CEP162: variants seen among roughly 807,000 people sequenced by gnomAD.
CEP162 encodes centrosomal protein 162, also known as centrosomal protein of 162 kDa.
Under a neutral mutation model 169.2 loss-of-function variants are expected in CEP162, and 141 were observed. The observed-to-expected ratio is 0.83, with a 90% CI of 0.73 to 0.96. The LOEUF (loss-of-function observed/expected upper bound fraction) is 0.96, where lower values mean the gene tolerates loss of function less well. Ranked by LOEUF, CEP162 falls within the 40% of genes least tolerant of loss-of-function variation. The pLI is 0.00. For synonymous variants in CEP162, 540 were observed against 526.4 expected, an observed-to-expected ratio of 1.03 and a Z score of -0.35; for missense variants, 1,600 against 1,587.2, an observed-to-expected ratio of 1.01 and a Z score of -0.14.
At chr6:84,153,922 T>C (rs1256116646) in intron 22 of CEP162, among the ~76,000 whole-genome samples, 8 of 152,178 alleles carry the variant, frequency 5.3e-5, no homozygotes, top group Non-Finnish European at 8.8e-5. Context: ...GAGGCGACGC[T>C]GCCCTAAGTG....
intron 21 of CEP162, among the ~76,000 whole-genome samples, chr6:84,160,456 G>A (rs1434627153): frequency 6.6e-6 from 1 of 152,028 alleles, no homozygotes; most frequent in Admixed American, 6.6e-5. Flanking sequence ...CCAACTCAGG[G>A]ATCTCCCTCC....
At chr6:84,214,347 C>T (rs1448220790) in intron 5 of CEP162, among the ~76,000 whole-genome samples, 1 of 152,230 alleles carries the variant, frequency 6.6e-6, no homozygotes, top group Admixed American at 6.5e-5. Context: ...TGTGTGAATA[C>T]ATCCATTATG....
In CEP162 at chr6:84,149,644, A is replaced by G. The variant is rs1253240401; in HGVS notation, c.3689T>C (p.Ile1230Thr). The change falls in exon 24 of 27, where the codon ATA (isoleucine) becomes ACA (threonine). Residue 1230 changes from isoleucine to threonine, a missense_variant. By Grantham distance (89) the Ile-to-Thr change is moderately conservative. Transcript: ENST00000403245. ...TGCATTTTGGCAAAGGAGTTTCTCT[A>G]TTTCTCTCTGATGAGATGCTTTGAG... ...ASLKASHQREIEKLLCQNAVE... is the reference protein window; with the variant it reads ...ASLKASHQRETEKLLCQNAVE... The G allele has an allele frequency of 5.0e-6, 8 of 1,602,640 alleles. No homozygotes were observed. Among genetic ancestry groups the G allele is most frequent in the East Asian group, 4.5e-5 (2 of 44,462 alleles).
At chr6:84,134,539 G>C (rs1014960549) in intron 25 of CEP162, among the ~76,000 whole-genome samples, 3 of 152,164 alleles carry the variant, frequency 2.0e-5, no homozygotes, top group Non-Finnish European at 4.4e-5. Flanking sequence ...CATAGTAACT[G>C]GGCTGGAGTG....
chr6:84,163,149 A>G lies in CEP162; in HGVS notation c.2507T>C (p.Val836Ala). Residue 836 changes from valine (V) to alanine (A), a missense_variant, in exon 19 of 27, where the codon GTC becomes GCC. Coordinates refer to ENST00000403245, the MANE Select transcript of CEP162 (RefSeq NM_014895.4). Reference protein sequence around the residue: ...RDQAKDQIAYVTGEKLYEIKI... With the variant: ...RDQAKDQIAYATGEKLYEIKI... The stretch of plus-strand genomic sequence containing the variant: ...GTTTCAGCTCAGTGTTTTACCTGTG[A>G]CATAAGCAATCTGATCTTTGGCTTG... The G allele has an allele frequency of 1.2e-6, 2 of 1,613,370 alleles. No homozygotes were observed. The highest frequency in any genetic ancestry group is 1.7e-6 in the Non-Finnish European group (2 of 1,179,530).
chr6:84,201,018 C>T (rs558938031), intron 8 of CEP162, 113 bp from the exon 9 acceptor site: 8 of 517,124 alleles, frequency 1.5e-5, no homozygotes, highest in Middle Eastern at 5.7e-4. Context: ...GTGGCTCACG[C>T]CTGTAATCCC....
At chr6:84,143,890 T>A (rs1195597795) in intron 25 of CEP162, among the ~76,000 whole-genome samples, 2 of 151,974 alleles carry the variant, frequency 1.3e-5, no homozygotes, top group Non-Finnish European at 2.9e-5. Context: ...TAAAATAACT[T>A]CCTGTGTTTC....
At chr6:84,134,825 C>A (rs2099513214) in intron 25 of CEP162, among the ~76,000 whole-genome samples, 4 of 151,690 alleles carry the variant, frequency 2.6e-5, no homozygotes, top group Non-Finnish European at 5.9e-5. Flanking sequence ...ACAGATTAAA[C>A]TTTTGATAAA....
At chr6:84,140,651 G>C (rs1383934702) in intron 25 of CEP162, among the ~76,000 whole-genome samples, 1 of 151,940 alleles carries the variant, frequency 6.6e-6, no homozygotes, top group Non-Finnish European at 1.5e-5. Flanking sequence ...TCAACCTCTT[G>C]AGTAGCTGGG....
intron 7 of CEP162, among the ~76,000 whole-genome samples, chr6:84,202,391 C>A (rs935910028): frequency 1.3e-5 from 2 of 152,094 alleles, no homozygotes; most frequent in African/African-American, 4.8e-5. Context: ...TGATTCTTAC[C>A]CAGACAGTGC....
At chr6:84,198,086 T>G (rs2127728806) in intron 9 of CEP162, among the ~76,000 whole-genome samples, 1 of 152,242 alleles carries the variant, frequency 6.6e-6, no homozygotes, top group East Asian at 1.9e-4. Context: ...AATAATATTC[T>G]TAACAAAAGA....
Position 84,215,790 on chromosome 6 carries a change from C to A in CEP162, c.305G>T (p.Ser102Ile). 6.3e-7 allele frequency: 1 copy of A among 1,588,888 alleles called. No individual in the cohort carries two copies. Among genetic ancestry groups the A allele is most frequent in the Non-Finnish European group, 8.6e-7 (1 of 1,165,734 alleles). ...SSGTSLLSTD[S>I]LETNELVVSE... ...GCATTTCTTACCATTTGTTTCTAAG[C>A]TATCAGTACTTAAGAGAGAGGTTCC... The change falls in exon 4 of 27, where the codon AGC (serine) becomes ATC (isoleucine). Residue 102 changes from serine to isoleucine, a missense_variant. By Grantham distance (142) the Ser-to-Ile change is moderately radical. Coordinates refer to ENST00000403245, the MANE Select transcript of CEP162 (RefSeq NM_014895.4).
intron 6 of CEP162, among the ~76,000 whole-genome samples, chr6:84,205,567 T>C (rs2127738279): frequency 6.6e-6 from 1 of 152,290 alleles, no homozygotes; most frequent in Middle Eastern, 3.4e-3. Context: ...ATGGGAAGTA[T>C]CTCAAAATAA....
intron 25 of CEP162, among the ~76,000 whole-genome samples, chr6:84,144,807 C>T (rs1164599878): frequency 2.6e-5 from 4 of 152,104 alleles, no homozygotes; most frequent in Non-Finnish European, 4.4e-5. Context: ...AGAACTTTTT[C>T]TCTTAAGCTA....
chr6:84,189,761 G>A (rs1022710567), intron 11 of CEP162, among the ~76,000 whole-genome samples: 1 of 152,242 alleles, frequency 6.6e-6, no homozygotes, highest in South Asian at 2.1e-4. Flanking sequence ...GCGAGCACAC[G>A]GCGCAGGACT....
intron 2 of CEP162, among the ~76,000 whole-genome samples, chr6:84,224,215 T>A (rs1588904012): frequency 1.3e-5 from 2 of 152,114 alleles, no homozygotes; most frequent in Admixed American, 1.3e-4. Flanking sequence ...TAAAAAGAAA[T>A]GAAGTGTTAA....
chr6:84,200,866 T>C lies in CEP162; in HGVS notation c.758A>G (p.Asn253Ser), dbSNP rs748405399. The change falls in exon 9 of 27, where the codon AAT (asparagine) becomes AGT (serine). Residue 253 changes from asparagine to serine, a missense_variant. Physicochemically the swap from Asn to Ser is conservative, Grantham distance 46. Transcript: ENST00000403245. Reference protein sequence around the residue: ...LDSLDSVAEVNLDEQDKITPK... With the variant: ...LDSLDSVAEVSLDEQDKITPK... Reference sequence around the variant, plus strand: ...TGTTATTTTATCTTGTTCATCAAGATTGACCTCTGCAACAGAGTCTAATGA... The same window carrying C: ...TGTTATTTTATCTTGTTCATCAAGACTGACCTCTGCAACAGAGTCTAATGA... 2.5e-6 allele frequency: 4 copies of C among 1,611,918 alleles called. No individual in the cohort carries two copies. Among genetic ancestry groups the C allele is most frequent in the Non-Finnish European group, 3.4e-6 (4 of 1,178,180 alleles).
chr6:84,226,405 T>C lies in CEP162; in HGVS notation c.-12A>G, dbSNP rs776373894. ...GAACAGTTAGCCATAGTCAACAATT[T>C]TGACCTCCCAAAGTAAACATTCTAA... On this transcript the variant is annotated 5_prime_UTR_variant, in exon 2 of 27. Coordinates refer to ENST00000403245, the MANE Select transcript of CEP162 (RefSeq NM_014895.4). The C allele has an allele frequency of 6.4e-7, 1 of 1,560,030 alleles. No homozygotes were observed. Among genetic ancestry groups the C allele is most frequent in the Non-Finnish European group, 8.7e-7 (1 of 1,147,518 alleles).
chr6:84,182,539 G>A (rs923941294), intron 13 of CEP162, among the ~76,000 whole-genome samples: 4 of 151,960 alleles, frequency 2.6e-5, no homozygotes, highest in Non-Finnish European at 4.4e-5. Flanking sequence ...GTACATAAAC[G>A]TACTCAACCC....
Sources: gnomAD v4.1 joint callset for allele counts (sites outside exome capture counted in the v4.1 genomes callset) on GRCh38, gnomAD v4.1.1 for gene constraint, MANE v1.5 for transcripts, NCBI Gene and HGNC (gene_info 2026-07-23, HGNC 2026-07-21) for gene names.